The following VWC2 variants were observed in gnomAD, a reference collection of about 807,000 sequenced individuals.
VWC2 encodes brorin.
Under a neutral mutation model 29.8 loss-of-function variants are expected in VWC2, and 14 were observed. That is an observed-to-expected ratio of 0.47 (90% confidence interval 0.31 to 0.74). The LOEUF (loss-of-function observed/expected upper bound fraction) is 0.74, where lower values mean the gene tolerates loss of function less well. Ranked by LOEUF, VWC2 falls within the 30% of genes least tolerant of loss-of-function variation. VWC2 has a pLI of 0.05. For missense variants in VWC2, 457 were observed against 459.8 expected, an observed-to-expected ratio of 0.99 and a Z score of 0.05; for synonymous variants, 213 against 199.0, an observed-to-expected ratio of 1.07 and a Z score of -0.59.
At chr7:49,784,593 A>C (rs1364330217) in intron 2 of VWC2, among the ~76,000 whole-genome samples, 2 of 152,226 alleles carry the variant, frequency 1.3e-5, no homozygotes, top group Non-Finnish European at 2.9e-5. Flanking sequence ...CTGTACTGCA[A>C]TGGGACAGTG....
chr7:49,788,963 A>C (rs540078503), intron 2 of VWC2, among the ~76,000 whole-genome samples: 43 of 136,978 alleles, frequency 3.1e-4, no homozygotes, highest in Middle Eastern at 5.1e-3. Flanking sequence ...ATGTGTGTGC[A>C]TGAGTGTGTG....
At chr7:49,852,476 T>C (rs1464883321) in intron 3 of VWC2, among the ~76,000 whole-genome samples, 2 of 152,234 alleles carry the variant, frequency 1.3e-5, no homozygotes, top group African/African-American at 4.8e-5. Context: ...TTTAGGGAGA[T>C]AATTTCTTTC....
At chr7:49,807,421 T>G (rs1788904024) in intron 3 of VWC2, among the ~76,000 whole-genome samples, 1 of 152,190 alleles carries the variant, frequency 6.6e-6, no homozygotes, top group Admixed American at 6.5e-5. Flanking sequence ...CCGTTGTGGT[T>G]TGGTCCCAAA....
intron 3 of VWC2, among the ~76,000 whole-genome samples, chr7:49,881,904 C>T (rs879815895): frequency 1.3e-5 from 2 of 151,908 alleles, no homozygotes; most frequent in African/African-American, 4.8e-5. Flanking sequence ...ATTAGGTATA[C>T]TCAATTTCCA....
rs947460357 is a variant in VWC2, at chr7:49,913,111, C to A, written c.*926C>A. ...AATGTGCTACAGATAACTCAGCTGT[C>A]AGTTCAGTGGAATCATATTTGTCAT... On this transcript the variant is annotated 3_prime_UTR_variant, in exon 4 of 4. Transcript: ENST00000340652. The A allele has an allele frequency of 6.6e-6, 1 of 152,178 alleles. No individual in the cohort carries two copies. The highest frequency in any genetic ancestry group is 2.4e-5 in the African/African-American group (1 of 41,452). The allele number at this position is 152,178 out of a possible 1,614,324, so 9.4% of individuals were successfully genotyped here. A position where few individuals can be genotyped will look rare whatever the true frequency, so the allele number is the denominator to read the frequency against.
chr7:49,821,195 G>A (rs996515997), intron 3 of VWC2, among the ~76,000 whole-genome samples: 1 of 152,162 alleles, frequency 6.6e-6, no homozygotes, highest in Non-Finnish European at 1.5e-5. Context: ...GCTTTTGCAA[G>A]GATATTGATG....
At chr7:49,812,688 G>A (rs1789041740) in intron 3 of VWC2, among the ~76,000 whole-genome samples, 1 of 152,176 alleles carries the variant, frequency 6.6e-6, no homozygotes, top group Admixed American at 6.5e-5. Flanking sequence ...GAACACAGAA[G>A]CAAAGTGGAG....
intron 2 of VWC2, among the ~76,000 whole-genome samples, chr7:49,781,741 G>A (rs1788182639): frequency 6.6e-6 from 1 of 152,200 alleles, no homozygotes; most frequent in South Asian, 2.1e-4. Context: ...TTGCTTATAT[G>A]TATGTCCAAT....
At chr7:49,861,316 T>A (rs894492654) in intron 3 of VWC2, among the ~76,000 whole-genome samples, 1 of 152,264 alleles carries the variant, frequency 6.6e-6, no homozygotes, top group Non-Finnish European at 1.5e-5. Context: ...GAGAAATGAC[T>A]GTTCAACTCA....
At chr7:49,853,289 C>T (rs1489330990) in intron 3 of VWC2, among the ~76,000 whole-genome samples, 1 of 152,228 alleles carries the variant, frequency 6.6e-6, no homozygotes, top group East Asian at 1.9e-4. Context: ...CCCTTAGGAA[C>T]CTGTGGCCGG....
Position 49,917,042 on chromosome 7 carries a change from T to G in VWC2, c.*4857T>G, listed in dbSNP as rs1793760567. Reference sequence around the variant, plus strand: ...TATTTGTTTACTTTCTTATTTCTAATTTTTGGAAAACAATTTTCTTAGACT... The same window carrying G: ...TATTTGTTTACTTTCTTATTTCTAAGTTTTGGAAAACAATTTTCTTAGACT... On this transcript the variant is annotated 3_prime_UTR_variant, in exon 4 of 4. Coordinates refer to ENST00000340652, the MANE Select transcript of VWC2 (RefSeq NM_198570.5). The G allele has an allele frequency of 6.6e-6, 1 of 152,214 alleles. No homozygotes were observed. Among genetic ancestry groups the G allele is most frequent in the Non-Finnish European group, 1.5e-5 (1 of 68,030 alleles). The allele number at this position is 152,214 out of a possible 1,614,324, so 9.4% of individuals were successfully genotyped here.
intron 3 of VWC2, among the ~76,000 whole-genome samples, chr7:49,837,951 A>T (rs1345245386): frequency 6.6e-6 from 1 of 152,234 alleles, no homozygotes; most frequent in East Asian, 1.9e-4. Context: ...CATAAAGTTC[A>T]AAAATCTGCC....
intron 2 of VWC2, among the ~76,000 whole-genome samples, chr7:49,790,880 A>G (rs2128703735): frequency 6.6e-6 from 1 of 152,148 alleles, no homozygotes; most frequent in South Asian, 2.1e-4. Flanking sequence ...TGAAAGGAAG[A>G]CATCATTTTC....
chr7:49,778,258 A>G (rs1314981908), intron 2 of VWC2, among the ~76,000 whole-genome samples: 1 of 152,050 alleles, frequency 6.6e-6, no homozygotes, highest in East Asian at 1.9e-4. Flanking sequence ...AGGATGGGAG[A>G]TGATATTGAC....
At chr7:49,906,742 G>A (rs1169416815) in intron 3 of VWC2, among the ~76,000 whole-genome samples, 1 of 152,226 alleles carries the variant, frequency 6.6e-6, no homozygotes, top group Admixed American at 6.5e-5. Context: ...TACAGATGCT[G>A]AGTTGCCTTC....
chr7:49,892,155 C>T, intron 3 of VWC2, among the ~76,000 whole-genome samples: 1 of 147,154 alleles, frequency 6.8e-6, no homozygotes, highest in Non-Finnish European at 1.5e-5. Flanking sequence ...CGCCATTCTC[C>T]TGCCTCAGCC....
At chr7:49,832,290 A>G (rs192244014) in intron 3 of VWC2, among the ~76,000 whole-genome samples, 2 of 152,044 alleles carry the variant, frequency 1.3e-5, no homozygotes, top group African/African-American at 4.8e-5. Flanking sequence ...TTGTTTAAAG[A>G]TCTAATTAGC....
intron 3 of VWC2, among the ~76,000 whole-genome samples, chr7:49,842,794 T>C (rs1435907006): frequency 6.6e-6 from 1 of 152,246 alleles, no homozygotes; most frequent in East Asian, 1.9e-4. Context: ...ACATGTCATC[T>C]AGAAGGTGGC....
chr7:49,897,142 G>A (rs1792428298), intron 3 of VWC2, among the ~76,000 whole-genome samples: 1 of 151,804 alleles, frequency 6.6e-6, no homozygotes, highest in Non-Finnish European at 1.5e-5. Context: ...TGATCCACCC[G>A]CCTCGGCCTC....
Sources: gnomAD v4.1 joint callset for allele counts (sites outside exome capture counted in the v4.1 genomes callset) on GRCh38, gnomAD v4.1.1 for gene constraint, MANE v1.5 for transcripts, NCBI Gene and HGNC (gene_info 2026-07-23, HGNC 2026-07-21) for gene names.